The following NRXN3 variants were observed in gnomAD, a reference collection of about 807,000 sequenced individuals.
NRXN3 encodes neurexin 3, also known as neurexin III.
NRXN3 carries 32 observed loss-of-function variants against 137.6 expected under a neutral mutation model. The observed-to-expected ratio is 0.23, with a 90% CI of 0.18 to 0.31. The LOEUF (loss-of-function observed/expected upper bound fraction) is 0.31, where lower values mean the gene tolerates loss of function less well. Ranked by LOEUF, NRXN3 falls within the 10% of genes least tolerant of loss-of-function variation. The pLI is 1.00. For synonymous variants in NRXN3, 798 were observed against 784.5 expected (o/e 1.02, Z -0.29); for missense variants, 1,574 against 2,062.5 (o/e 0.76, Z 4.59).
intron 15 of NRXN3, chr14:79,279,985 T>A (rs2080991009): frequency 8.6e-7 from 1 of 1,168,610 alleles, no homozygotes; most frequent in Non-Finnish European, 1.1e-6. Flanking sequence ...CGCGCCGGTC[T>A]TCCCCTGACA....
At chr14:79,015,689 C>G (rs900465807) in intron 15 of NRXN3, among the ~76,000 whole-genome samples, 1 of 152,148 alleles carries the variant, frequency 6.6e-6, no homozygotes, top group Admixed American at 6.5e-5. Context: ...AAGAATGACA[C>G]TTGAAATTAT....
At chr14:78,351,891 C>T (rs1182610276) in intron 4 of NRXN3, among the ~76,000 whole-genome samples, 1 of 149,196 alleles carries the variant, frequency 6.7e-6, no homozygotes, top group Non-Finnish European at 1.5e-5. Flanking sequence ...AAAAAAATCT[C>T]CTCCTATTTC....
At chr14:78,833,896 A>C (rs2098989176) in intron 10 of NRXN3, among the ~76,000 whole-genome samples, 1 of 152,198 alleles carries the variant, frequency 6.6e-6, no homozygotes, top group African/African-American at 2.4e-5. Context: ...CATATTTCTA[A>C]GTGCTGATAA....
intron 20 of NRXN3, among the ~76,000 whole-genome samples, chr14:79,845,364 C>T (rs1176508196): frequency 6.6e-6 from 1 of 152,236 alleles, no homozygotes; most frequent in African/African-American, 2.4e-5. Context: ...AGTTTTTGGC[C>T]TATTTCAGCT....
chr14:79,742,341 G>A (rs143370099), intron 19 of NRXN3, among the ~76,000 whole-genome samples: 81 of 152,124 alleles, frequency 5.3e-4, no homozygotes, highest in African/African-American at 1.9e-3. Flanking sequence ...TGATTACCTC[G>A]ATTCATTTGC....
intron 15 of NRXN3, among the ~76,000 whole-genome samples, chr14:79,290,492 C>A (rs773733183): frequency 1.3e-5 from 2 of 152,062 alleles, no homozygotes; most frequent in Admixed American, 6.6e-5. Flanking sequence ...TCCCAAACAC[C>A]AAAGTGACAT....
chr14:78,737,448 G>T (rs2098546068), intron 8 of NRXN3, among the ~76,000 whole-genome samples: 1 of 152,084 alleles, frequency 6.6e-6, no homozygotes, highest in Non-Finnish European at 1.5e-5. Flanking sequence ...CTCCCAGCAG[G>T]GTGGCTCCAG....
chr14:79,343,382 A>G (rs1363381851), intron 15 of NRXN3, among the ~76,000 whole-genome samples: 1 of 152,202 alleles, frequency 6.6e-6, no homozygotes, highest in Non-Finnish European at 1.5e-5. Context: ...GAACAAGGAC[A>G]GCTTGGAGGT....
chr14:78,951,577 G>A (rs79477925), intron 10 of NRXN3, among the ~76,000 whole-genome samples: 8,550 of 151,964 alleles, frequency 0.056, 355 homozygotes, highest in Admixed American at 0.083. Context: ...TTTTAGATAG[G>A]GTTGACAGAA....
intron 19 of NRXN3, among the ~76,000 whole-genome samples, chr14:79,702,897 C>CCTTATGTCTCCAT (rs766213497): frequency 9.3e-5 from 14 of 150,162 alleles, no homozygotes; most frequent in Admixed American, 5.5e-4. Flanking sequence ...AAGTCTTTTA[C>CCTTATGTCTCCAT]CTTATGTCTC....
chr14:79,046,329 A>G (rs1218466084), intron 15 of NRXN3, among the ~76,000 whole-genome samples: 1 of 152,200 alleles, frequency 6.6e-6, no homozygotes, highest in Non-Finnish European at 1.5e-5. Context: ...AGCAAGGTGC[A>G]GAGAGGATCT....
chr14:78,711,434 C>CTTTTTTT (rs35251417), intron 7 of NRXN3, among the ~76,000 whole-genome samples: 4 of 99,042 alleles, frequency 4.0e-5, no homozygotes, highest in African/African-American at 8.7e-5. Flanking sequence ...ATTCTTTTCT[C>CTTTTTTT]TTTTTTTTTT....
chr14:78,329,910 C>T (rs1361561393), intron 4 of NRXN3, among the ~76,000 whole-genome samples: 1 of 152,134 alleles, frequency 6.6e-6, no homozygotes, highest in Non-Finnish European at 1.5e-5. Context: ...AGAAGGAACA[C>T]TGATAGTGAT....
intron 4 of NRXN3, among the ~76,000 whole-genome samples, chr14:78,460,796 T>G (rs2094900112): frequency 7.5e-6 from 1 of 132,790 alleles, no homozygotes; most frequent in Admixed American, 8.2e-5. Flanking sequence ...TGCCCGGTGG[T>G]CTATGATATT....
At chr14:79,823,999 T>G in intron 20 of NRXN3, 1 of 413,862 alleles carries the variant, frequency 2.4e-6, no homozygotes, top group Non-Finnish European at 5.1e-6. Context: ...AAATTTCTGC[T>G]TGGAACCCAG....
intron 19 of NRXN3, among the ~76,000 whole-genome samples, chr14:79,792,837 C>T (rs138643981): frequency 1.3e-5 from 2 of 152,084 alleles, no homozygotes; most frequent in African/African-American, 2.4e-5. Context: ...GTCTGAGTTC[C>T]GGTTTTGTCA....
At position 79,539,623 on chromosome 14, in the gene NRXN3, C is replaced by T. The variant is rs545142194; in HGVS notation, c.3444+72221C>T. On this transcript the variant is annotated intron_variant, in intron 16 of 20. Transcript: ENST00000335750. The stretch of plus-strand genomic sequence containing the variant: ...CTTAAAAGCATTCTGACATAGCTCA[C>T]CTCCCCTCTTTCTCTTATATTGCTA... Among the ~76,000 whole-genome samples the T allele has an allele frequency of 2.0e-5, 3 of 152,286 alleles. No homozygotes were observed. In the South Asian group the frequency reaches 6.2e-4, roughly 32 times the overall value.
At chr14:79,010,106 T>G (rs2099568544) in intron 15 of NRXN3, among the ~76,000 whole-genome samples, 1 of 152,204 alleles carries the variant, frequency 6.6e-6, no homozygotes, top group African/African-American at 2.4e-5. Flanking sequence ...ACTTCAGAAT[T>G]TATATCAGCT....
chr14:78,446,386 G>C (rs1052110788), intron 4 of NRXN3, among the ~76,000 whole-genome samples: 6 of 151,232 alleles, frequency 4.0e-5, no homozygotes, highest in Non-Finnish European at 5.9e-5. Context: ...CACCCACTAT[G>C]TGCTTAACAT....
Sources: gnomAD v4.1 joint callset for allele counts (sites outside exome capture counted in the v4.1 genomes callset) on GRCh38, gnomAD v4.1.1 for gene constraint, MANE v1.5 for transcripts, NCBI Gene and HGNC (gene_info 2026-07-23, HGNC 2026-07-21) for gene names.